The following SMAD7 variants were observed in gnomAD, a reference collection of about 807,000 sequenced individuals.
SMAD7 encodes MAD (mothers against decapentaplegic, Drosophila) homolog 7.
In SMAD7, 8 loss-of-function variants were observed where a neutral mutation model predicts 38.7. That is an observed-to-expected ratio of 0.21 (90% confidence interval 0.12 to 0.37). The LOEUF (loss-of-function observed/expected upper bound fraction) is 0.37, where lower values mean the gene tolerates loss of function less well. Among genes scored for constraint, SMAD7 ranks in the 10% least tolerant of loss-of-function variants. The pLI is 1.00. For missense variants in SMAD7, 477 were observed against 577.9 expected (o/e 0.83, Z 1.79); for synonymous variants, 327 against 265.1 (o/e 1.23, Z -2.27).
At chr18:48,925,555 C>A (rs1432964118) in intron 3 of SMAD7, among the ~76,000 whole-genome samples, 1 of 152,068 alleles carries the variant, frequency 6.6e-6, no homozygotes, top group African/African-American at 2.4e-5. Flanking sequence ...TGGGGAAGAC[C>A]ACTTAGCAAG....
chr18:48,929,796 T>C (rs954626315), intron 3 of SMAD7, among the ~76,000 whole-genome samples: 1 of 151,926 alleles, frequency 6.6e-6, no homozygotes, highest in Admixed American at 6.6e-5. Flanking sequence ...GGACCCCTAG[T>C]CCTTGGAAGG....
chr18:48,948,307 A>G, intron 2 of SMAD7, 77 bp downstream of exon 2: 1 of 994,672 alleles, frequency 1.0e-6, no homozygotes, highest in Non-Finnish European at 1.5e-6. Context: ...GCCTTTGCCT[A>G]CACACAAAAA....
At chr18:48,938,437 C>T (rs1253855703) in intron 3 of SMAD7, among the ~76,000 whole-genome samples, 4 of 152,188 alleles carry the variant, frequency 2.6e-5, no homozygotes, top group Non-Finnish European at 5.9e-5. Flanking sequence ...GTCTCCACTG[C>T]CTCCTACCTC....
intron 3 of SMAD7, among the ~76,000 whole-genome samples, chr18:48,926,281 G>A (rs1027165441): frequency 6.6e-6 from 1 of 152,190 alleles, no homozygotes. Flanking sequence ...TACTTGTGGG[G>A]AGGGGGTCCC....
chr18:48,935,450 C>T (rs1482612197), intron 3 of SMAD7, among the ~76,000 whole-genome samples: 4 of 152,100 alleles, frequency 2.6e-5, no homozygotes, highest in Non-Finnish European at 4.4e-5. Flanking sequence ...ACGAGGCTCC[C>T]GCAAAGGGAG....
chr18:48,928,174 G>A (rs2069951645), intron 3 of SMAD7, among the ~76,000 whole-genome samples: 1 of 152,158 alleles, frequency 6.6e-6, no homozygotes, highest in South Asian at 2.1e-4. Flanking sequence ...GCCCTCTCAG[G>A]GTCTCAGTTT....
chr18:48,943,593 G>A (rs1312696150), intron 2 of SMAD7, among the ~76,000 whole-genome samples: 2 of 152,194 alleles, frequency 1.3e-5, no homozygotes, highest in African/African-American at 2.4e-5. Context: ...AAGTCCTAGC[G>A]GAGAGCCCGG....
intron 2 of SMAD7, among the ~76,000 whole-genome samples, chr18:48,945,710 T>A (rs969872927): frequency 2.0e-5 from 3 of 152,174 alleles, no homozygotes; most frequent in Non-Finnish European, 4.4e-5. Context: ...GATCTGCCCA[T>A]GGATACTGGC....
intron 1 of SMAD7, chr18:48,949,362 C>A: frequency 2.9e-6 from 2 of 699,306 alleles, no homozygotes; most frequent in Non-Finnish European, 1.8e-6. Context: ...ACCTTCCAGC[C>A]TTTATAGCAC....
At chr18:48,940,743 T>A (rs1195696323) in intron 3 of SMAD7, among the ~76,000 whole-genome samples, 3 of 149,018 alleles carry the variant, frequency 2.0e-5, no homozygotes, top group Non-Finnish European at 4.5e-5. Context: ...AGAGCGAGAC[T>A]CCGTCTGTGT....
At chr18:48,930,524 C>CCTCCCATAAACATGGG (rs1260309783) in intron 3 of SMAD7, among the ~76,000 whole-genome samples, 2 of 152,312 alleles carry the variant, frequency 1.3e-5, no homozygotes, top group East Asian at 3.9e-4. Context: ...AGCCTCCAGG[C>CCTCCCATAAACATGGG]CTCCCATAAA....
In SMAD7 at chr18:48,950,191, T is replaced by C. The variant is rs536465216; in HGVS notation, c.234A>G (p.Pro78=). The change falls in exon 1 of 4, where the codon CCA becomes CCG. Residue 78 remains proline (P), a synonymous_variant. Transcript: ENST00000262158. ...GAKGHHHPHP[P]AAGAGAAGGA... is the part of the protein sequence containing the mutation. Reference sequence around the variant, plus strand: ...CCCCGGCCGCGCCGGCGCCCGCGGCTGGCGGGTGGGGATGGTGGTGACCTT... The same window carrying C: ...CCCCGGCCGCGCCGGCGCCCGCGGCCGGCGGGTGGGGATGGTGGTGACCTT... The C allele has an allele frequency of 3.9e-4, 578 of 1,485,810 alleles. 2 individuals carry two copies. In the African/African-American group the frequency reaches 7.2e-3, roughly 18 times the overall value. The allele number at this position is 1,485,810 out of a possible 1,614,324, so 92.0% of individuals were successfully genotyped here. A position where few individuals can be genotyped will look rare whatever the true frequency, so the allele number is the denominator to read the frequency against.
At position 48,937,263 on chromosome 18, in the gene SMAD7, C is replaced by CGTGTGTGTGTGTGTGT. The variant is rs1416134181; in HGVS notation, c.742+5217_742+5218insACACACACACACACAC. Among the ~76,000 whole-genome samples the CGTGTGTGTGTGTGTGT allele has an allele frequency of 2.0e-4, 14 of 69,108 alleles. No homozygotes were observed. In the South Asian group the frequency reaches 3.5e-3, roughly 17 times the overall value. The allele number at this position is 69,108 out of a possible 152,430, so 45.3% of individuals were successfully genotyped here. On this transcript the variant is annotated intron_variant, in intron 3 of 3. Coordinates refer to ENST00000262158, the MANE Select transcript of SMAD7 (RefSeq NM_005904.4). ...ACAGTCAGGCTTTGCTAAGTAAAGGCATGTGTGTGTGTGTGTGTGTGTGTG... is the reference window on the plus strand; with the variant it reads ...ACAGTCAGGCTTTGCTAAGTAAAGGCGTGTGTGTGTGTGTGTATGTGTGTGTGTGTGTGTGTGTGTG...
chr18:48,941,653 T>C (rs2070141065), intron 3 of SMAD7, among the ~76,000 whole-genome samples: 1 of 152,258 alleles, frequency 6.6e-6, no homozygotes, highest in Non-Finnish European at 1.5e-5. Flanking sequence ...CAGCCAGTTC[T>C]TAGAAAATCT....
chr18:48,922,889 G>C lies in SMAD7; in HGVS notation c.743-979C>G, dbSNP rs539156101. Among the ~76,000 whole-genome samples the C allele has an allele frequency of 7.2e-5, 11 of 152,258 alleles. No individual in the cohort carries two copies. In the South Asian group the frequency reaches 1.7e-3, roughly 23 times the overall value. On this transcript the variant is annotated intron_variant, in intron 3 of 3. Coordinates refer to ENST00000262158, the MANE Select transcript of SMAD7 (RefSeq NM_005904.4). ...TACACAGTCTTCCCACAGGCAGCCT[G>C]GGGGCCGGGGTGATTCTGGTAAGGT... is the stretch of plus-strand genomic sequence containing the variant.
Position 48,926,939 on chromosome 18 carries a change from A to G in SMAD7, c.743-5029T>C, listed in dbSNP as rs545128513. Among the ~76,000 whole-genome samples, 17 of 152,282 alleles carry G rather than the reference A, an allele frequency of 1.1e-4. No individual in the cohort carries two copies. The South Asian group carries it at 3.5e-3, about 32-fold the overall frequency. ...ATCCCATCTATTCTCACGCCAAACCATCATAATTCACAAGGACCCTTGCTG... is the reference window on the plus strand; with the variant it reads ...ATCCCATCTATTCTCACGCCAAACCGTCATAATTCACAAGGACCCTTGCTG... On this transcript the variant is annotated intron_variant, in intron 3 of 3. Coordinates refer to ENST00000262158, the MANE Select transcript of SMAD7 (RefSeq NM_005904.4).
chr18:48,939,328 G>T (rs758053424), intron 3 of SMAD7, among the ~76,000 whole-genome samples: 3 of 151,750 alleles, frequency 2.0e-5, no homozygotes, highest in Non-Finnish European at 4.4e-5. Flanking sequence ...GCAAGGGTGG[G>T]GTGTGTTTCA....
chr18:48,941,411 G>A (rs2070138138), intron 3 of SMAD7, among the ~76,000 whole-genome samples: 1 of 152,220 alleles, frequency 6.6e-6, no homozygotes, highest in South Asian at 2.1e-4. Context: ...GGAGAGCCGG[G>A]GAGGGAGCCG....
chr18:48,928,953 C>T lies in SMAD7; in HGVS notation c.743-7043G>A, dbSNP rs140308798. On this transcript the variant is annotated intron_variant, in intron 3 of 3. Coordinates refer to ENST00000262158, the MANE Select transcript of SMAD7 (RefSeq NM_005904.4). ...ACGCGGCTTCCTGTGCCCCAGCATT[C>T]AGCCATGCAAATTACAGCGTGTACC... is the stretch of plus-strand genomic sequence containing the variant. Among the ~76,000 whole-genome samples the T allele has an allele frequency of 2.6e-3, 389 of 152,310 alleles. 2 individuals are homozygous for T. The highest frequency in any genetic ancestry group is 8.7e-3 in the African/African-American group (362 of 41,570).
Sources: allele counts gnomAD v4.1 joint callset (sites outside exome capture counted in the v4.1 genomes callset), GRCh38; gene constraint gnomAD v4.1.1; transcripts MANE v1.5; gene names NCBI Gene and HGNC (gene_info 2026-07-23, HGNC 2026-07-21).